HIPK3: variants seen among roughly 807,000 people sequenced by gnomAD.
HIPK3 encodes homeodomain-interacting protein kinase 3.
A neutral mutation model predicts 124.2 loss-of-function variants in HIPK3; 47 were observed. That is an observed-to-expected ratio of 0.38 (90% CI 0.30 to 0.48). The LOEUF is 0.48. HIPK3 is among the 20% of genes least tolerant of loss of function. HIPK3 has a pLI of 0.98. For synonymous variants in HIPK3, 482 were observed against 515.2 expected, an observed-to-expected ratio of 0.94 and a Z score of 0.87; for missense variants, 1,286 against 1,454.3, an observed-to-expected ratio of 0.88 and a Z score of 1.88.
At chr11:33,289,739 C>G (rs2133906675) in intron 2 of HIPK3, among the ~76,000 whole-genome samples, 1 of 152,240 alleles carries the variant, frequency 6.6e-6, no homozygotes, top group East Asian at 1.9e-4. Context: ...CTCTGTTGTG[C>G]TATCAAATAC....
chr11:33,316,092 A>G (rs1012922606), intron 2 of HIPK3, among the ~76,000 whole-genome samples: 3 of 152,236 alleles, frequency 2.0e-5, no homozygotes, highest in African/African-American at 4.8e-5. Flanking sequence ...AAGGTCCAGT[A>G]TTCTGTAGTG....
At chr11:33,329,310 G>A (rs1218381988) in intron 3 of HIPK3, among the ~76,000 whole-genome samples, 1 of 152,036 alleles carries the variant, frequency 6.6e-6, no homozygotes, top group Admixed American at 6.6e-5. Flanking sequence ...TTGAGATAAT[G>A]TACTCAACTC....
intron 6 of HIPK3, among the ~76,000 whole-genome samples, chr11:33,340,689 G>T (rs532891361): frequency 2.3e-5 from 3 of 127,812 alleles, no homozygotes; most frequent in Admixed American, 7.9e-5. Context: ...AAAGTTTTTC[G>T]TGTAGGGGAT....
At chr11:33,350,937 T>C (rs1853639931) in intron 14 of HIPK3, among the ~76,000 whole-genome samples, 1 of 152,048 alleles carries the variant, frequency 6.6e-6, no homozygotes. Context: ...TAAACAAATA[T>C]ACGTATAAGA....
At chr11:33,344,937 A>T (rs962242580) in intron 8 of HIPK3, among the ~76,000 whole-genome samples, 1 of 152,166 alleles carries the variant, frequency 6.6e-6, no homozygotes, top group Non-Finnish European at 1.5e-5. Flanking sequence ...AGAATGTGTC[A>T]ATCCATTTAC....
intron 2 of HIPK3, among the ~76,000 whole-genome samples, chr11:33,310,258 G>A (rs1446531467): frequency 1.7e-3 from 139 of 84,142 alleles, no homozygotes; most frequent in African/African-American, 4.1e-3. Flanking sequence ...CTGTCTGTCT[G>A]TCTGTCTGTC....
intron 16 of HIPK3, among the ~76,000 whole-genome samples, chr11:33,352,577 G>A (rs766545364): frequency 1.1e-4 from 16 of 152,012 alleles, no homozygotes; most frequent in African/African-American, 2.2e-4. Context: ...TATATTTGGC[G>A]GTTGTGTTTC....
chr11:33,332,984 A>G (rs1029469743), intron 3 of HIPK3, among the ~76,000 whole-genome samples: 6 of 152,134 alleles, frequency 3.9e-5, no homozygotes, highest in Non-Finnish European at 8.8e-5. Context: ...GGAGATGGGT[A>G]CTACACACCT....
chr11:33,347,672 A>G lies in HIPK3; in HGVS notation c.2063A>G (p.Gln688Arg). Reference sequence around the variant, plus strand: ...CAGCAGATGCTGGTGCCTGCCTGGCAACAGGTGACACCCCTGGCTCCTGCT... The same window carrying G: ...CAGCAGATGCTGGTGCCTGCCTGGCGACAGGTGACACCCCTGGCTCCTGCT... ...RTQQMLVPAW[Q>R]QVTPLAPATT... Residue 688 changes from glutamine (Q) to arginine (R), a missense_variant, in exon 10 of 17, where the codon CAA becomes CGA. Physicochemically the swap from Gln to Arg is conservative, Grantham distance 43. Around this residue, in one of 3 missense-constraint regions of HIPK3, gnomAD observed 810 missense variants for 864.9 expected, o/e 0.94. Coordinates refer to ENST00000303296, the MANE Select transcript of HIPK3 (RefSeq NM_005734.5). 6.2e-7 allele frequency: 1 copy of G among 1,614,172 alleles called. No homozygotes were observed. Among genetic ancestry groups the G allele is most frequent in the Non-Finnish European group, 8.5e-7 (1 of 1,180,008 alleles).
rs188573144 is a variant in HIPK3, at chr11:33,312,943, G to A, written c.1098-15567G>A. ...ATTGAGTTTGTAAGTAATTGCCAGA[G>A]TTGGGATTTGAATTTAGTTCTCTAT... On this transcript the variant is annotated intron_variant, in intron 2 of 16. Transcript: ENST00000303296. 6.4e-4 allele frequency among the ~76,000 whole-genome samples: 97 copies of A among 152,314 alleles called. 1 individual carries two copies. The highest frequency in any genetic ancestry group is 3.4e-3 in the Middle Eastern group (1 of 294).
chr11:33,328,399 T>C (rs1852871504), intron 2 of HIPK3, 111 bp from the exon 3 acceptor site: 1 of 1,016,800 alleles, frequency 9.8e-7, no homozygotes. Flanking sequence ...AGAGTTCCTA[T>C]ACATAGAATG....
At chr11:33,311,609 A>G (rs1209979472) in intron 2 of HIPK3, among the ~76,000 whole-genome samples, 4 of 152,130 alleles carry the variant, frequency 2.6e-5, no homozygotes, top group Non-Finnish European at 5.9e-5. Flanking sequence ...CACTATTGAC[A>G]TCCTGTACCA....
rs558433799 is a variant in HIPK3, at chr11:33,330,706, T to A, written c.1221+2073T>A. The stretch of plus-strand genomic sequence containing the variant: ...ATTGTAGTGATTTTGTGGGCGTCTT[T>A]GTTTTGGCCCTAATCTGGGACTTTA... On this transcript the variant is annotated intron_variant, in intron 3 of 16. Coordinates refer to ENST00000303296, the MANE Select transcript of HIPK3 (RefSeq NM_005734.5). 5.9e-5 allele frequency among the ~76,000 whole-genome samples: 9 copies of A among 152,320 alleles called. No homozygotes were observed. The South Asian group carries it at 1.9e-3, about 32-fold the overall frequency.
At chr11:33,278,024 G>A (rs182768293) in intron 1 of HIPK3, among the ~76,000 whole-genome samples, 62 of 152,126 alleles carry the variant, frequency 4.1e-4, no homozygotes, top group African/African-American at 1.3e-3. Flanking sequence ...CTTTATTTCA[G>A]GTATCATTTG....
chr11:33,346,616 G>T (rs111803229), intron 8 of HIPK3, among the ~76,000 whole-genome samples: 2 of 152,178 alleles, frequency 1.3e-5, no homozygotes, highest in African/African-American at 4.8e-5. Context: ...CTGCTAGGTT[G>T]TCAGCATACT....
At chr11:33,338,608 T>G in intron 4 of HIPK3, 149 bp from the exon 5 acceptor site, 1 of 454,270 alleles carries the variant, frequency 2.2e-6, no homozygotes, top group Non-Finnish European at 3.8e-6. Context: ...CATTTTTTTT[T>G]TGCGTATACT....
chr11:33,292,960 A>G (rs1411427746), intron 2 of HIPK3, among the ~76,000 whole-genome samples: 1 of 152,068 alleles, frequency 6.6e-6, no homozygotes, highest in Admixed American at 6.6e-5. Flanking sequence ...GATGGTCTCG[A>G]TCTCCTGACC....
At chr11:33,294,246 A>G (rs1380012276) in intron 2 of HIPK3, among the ~76,000 whole-genome samples, 1 of 152,116 alleles carries the variant, frequency 6.6e-6, no homozygotes, top group Non-Finnish European at 1.5e-5. Flanking sequence ...TAACTTTTAC[A>G]TTGAAATTAT....
rs1852625087 is a variant in HIPK3 at position 33,320,261 on chromosome 11, A to G, written c.1098-8249A>G. On this transcript the variant is annotated intron_variant, in intron 2 of 16. Transcript: ENST00000303296. Reference sequence around the variant, plus strand: ...TGACATGGTCTAATTTATGTATTAAATGGATCACTCAAGCTGCTAGATTGA... The same window carrying G: ...TGACATGGTCTAATTTATGTATTAAGTGGATCACTCAAGCTGCTAGATTGA... 2.0e-5 allele frequency among the ~76,000 whole-genome samples: 3 copies of G among 152,362 alleles called. No individual in the cohort carries two copies. The South Asian group carries it at 6.2e-4, about 32-fold the overall frequency.
Sources: gnomAD v4.1 joint callset for allele counts (sites outside exome capture counted in the v4.1 genomes callset) on GRCh38, gnomAD v4.1.1 for gene constraint, gnomAD v4.1.1 regional missense constraint, MANE v1.5 for transcripts, NCBI Gene and HGNC (gene_info 2026-07-23, HGNC 2026-07-21) for gene names.